The following XRN2 variants were observed in gnomAD, a reference collection of about 807,000 sequenced individuals.
XRN2 encodes the protein 5'-3' exoribonuclease 2.
In XRN2, 44 loss-of-function variants were observed where a neutral mutation model predicts 138.5. The ratio of observed to expected loss-of-function variants is 0.32; its 90% CI spans 0.25 to 0.41. The LOEUF is 0.41. Among genes scored for constraint, XRN2 ranks in the 10% least tolerant of loss-of-function variants. XRN2 has a pLI of 1.00. For synonymous variants in XRN2, 354 were observed against 369.4 expected (o/e 0.96, Z 0.48); for missense variants, 937 against 1,169.3 (o/e 0.80, Z 2.90).
intron 24 of XRN2, among the ~76,000 whole-genome samples, chr20:21,362,611 T>G (rs1393573292): frequency 2.0e-5 from 3 of 152,192 alleles, no homozygotes; most frequent in Non-Finnish European, 4.4e-5. Context: ...TTTGATCACT[T>G]TCACGTCCTC....
At chr20:21,303,772 C>G (rs2037773895) in intron 1 of XRN2, 2 of 1,165,402 alleles carry the variant, frequency 1.7e-6, no homozygotes, top group East Asian at 9.6e-5. Flanking sequence ...CCGCCCACTG[C>G]TTTGTTTCCT....
chr20:21,327,860 T>A (rs534416910), intron 3 of XRN2, among the ~76,000 whole-genome samples: 2 of 152,222 alleles, frequency 1.3e-5, no homozygotes, highest in Non-Finnish European at 2.9e-5. Flanking sequence ...CACAGTTTCT[T>A]CCCACCCCAA....
At chr20:21,377,908 C>T (rs998822279) in intron 27 of XRN2, among the ~76,000 whole-genome samples, 1 of 152,142 alleles carries the variant, frequency 6.6e-6, no homozygotes. Context: ...GTTCATTTCA[C>T]CCAGGCTGTC....
At chr20:21,317,209 A>G (rs1333283586) in intron 1 of XRN2, among the ~76,000 whole-genome samples, 1 of 152,142 alleles carries the variant, frequency 6.6e-6, no homozygotes, top group East Asian at 1.9e-4. Flanking sequence ...ACCAAGTATG[A>G]TGTTAACTGT....
At chr20:21,375,534 ATTT>A (rs1419973793) in intron 27 of XRN2, among the ~76,000 whole-genome samples, 1 of 151,116 alleles carries the variant, frequency 6.6e-6, no homozygotes, top group African/African-American at 2.4e-5. Context: ...TCTGATTTTT[ATTT>A]TTTATTATGT....
intron 1 of XRN2, chr20:21,303,922 G>C: frequency 1.1e-6 from 1 of 928,118 alleles, no homozygotes; most frequent in Non-Finnish European, 1.3e-6. Flanking sequence ...AGGAATCCCT[G>C]GCGGCGACCT....
intron 15 of XRN2, among the ~76,000 whole-genome samples, chr20:21,342,396 T>A (rs1458585562): frequency 6.6e-6 from 1 of 152,200 alleles, no homozygotes; most frequent in Non-Finnish European, 1.5e-5. Context: ...TTAATATGAA[T>A]CTGGTATGTT....
rs143004169 is a variant in XRN2 at position 21,331,268 on chromosome 20, G to A, written c.577-293G>A. Among the ~76,000 whole-genome samples the A allele has an allele frequency of 3.3e-3, 506 of 152,166 alleles. 4 individuals are homozygous for A. The highest frequency in any genetic ancestry group is 0.012 in the African/African-American group (487 of 41,532). ...AATGATCAGTTTTTCTGATGGCTAG[G>A]TCTGACCCAGACATTTCATTCCTTT... On this transcript the variant is annotated intron_variant, in intron 6 of 29. Coordinates refer to ENST00000377191, the MANE Select transcript of XRN2 (RefSeq NM_012255.5).
At position 21,353,178 on chromosome 20, in the gene XRN2, T is replaced by A. The variant is rs528042483; in HGVS notation, c.1937-1611T>A. Among the ~76,000 whole-genome samples, 4 of 145,760 alleles carry A rather than the reference T, an allele frequency of 2.7e-5. No homozygotes were observed. The East Asian group carries it at 7.8e-4, about 29-fold the overall frequency. ...TAATATATAATATAATATATGTTTA[T>A]ATATATTTTATATATATATAAATAT... On this transcript the variant is annotated intron_variant, in intron 20 of 29. Coordinates refer to ENST00000377191, the MANE Select transcript of XRN2 (RefSeq NM_012255.5).
intron 1 of XRN2, 123 bp downstream of exon 1, chr20:21,303,596 C>A: frequency 1.6e-5 from 22 of 1,386,228 alleles, no homozygotes; most frequent in Non-Finnish European, 2.0e-5. Flanking sequence ...CTGCTGCCAG[C>A]CTCGCGAGCA....
chr20:21,353,814 C>T (rs1361220959), intron 20 of XRN2, among the ~76,000 whole-genome samples: 1 of 142,592 alleles, frequency 7.0e-6, no homozygotes, highest in South Asian at 2.3e-4. Context: ...AAAAAAACAA[C>T]TGTTACTAGG....
chr20:21,385,519 A>G (rs1421000100), intron 28 of XRN2, among the ~76,000 whole-genome samples: 1 of 152,250 alleles, frequency 6.6e-6, no homozygotes, highest in African/African-American at 2.4e-5. Flanking sequence ...TTTTAATTGT[A>G]TTCTGAATTA....
chr20:21,346,317 T>C (rs1345793637), intron 16 of XRN2, 98 bp from the exon 17 acceptor site: 1 of 1,457,598 alleles, frequency 6.9e-7, no homozygotes, highest in African/African-American at 1.4e-5. Flanking sequence ...ACATTTCCCC[T>C]GGGTATTAAA....
chr20:21,359,950 G>A (rs2038618313), intron 24 of XRN2, among the ~76,000 whole-genome samples: 1 of 151,778 alleles, frequency 6.6e-6, no homozygotes. Flanking sequence ...GTTTCCTCAA[G>A]TTGAGTTTAG....
At chr20:21,362,622 A>G (rs2038650341) in intron 24 of XRN2, among the ~76,000 whole-genome samples, 1 of 152,120 alleles carries the variant, frequency 6.6e-6, no homozygotes, top group Admixed American at 6.5e-5. Flanking sequence ...TCACGTCCTC[A>G]TTGACTACTT....
intron 14 of XRN2, among the ~76,000 whole-genome samples, chr20:21,340,175 A>T (rs934015684): frequency 3.3e-5 from 5 of 152,118 alleles, no homozygotes; most frequent in African/African-American, 1.2e-4. Flanking sequence ...TGTGCCTGTA[A>T]TCCCAGCTAC....
At chr20:21,341,301 C>T (rs541755669) in intron 15 of XRN2, among the ~76,000 whole-genome samples, 1 of 152,314 alleles carries the variant, frequency 6.6e-6, no homozygotes, top group South Asian at 2.1e-4. Flanking sequence ...TTCCCCTTTC[C>T]TTCAGTGGGC....
intron 27 of XRN2, among the ~76,000 whole-genome samples, chr20:21,375,921 C>T (rs925891249): frequency 2.3e-4 from 35 of 151,870 alleles, no homozygotes; most frequent in African/African-American, 7.7e-4. Flanking sequence ...TCACTGCAAG[C>T]TCCGCCTCCC....
chr20:21,333,521 C>A, intron 9 of XRN2, 23 bp from the exon 10 acceptor site: 1 of 1,606,018 alleles, frequency 6.2e-7, no homozygotes, highest in South Asian at 1.1e-5. Context: ...AGACTTGTTT[C>A]ATCTTCATTC....
Sources: gnomAD v4.1 joint callset for allele counts (sites outside exome capture counted in the v4.1 genomes callset) on GRCh38, gnomAD v4.1.1 for gene constraint, MANE v1.5 for transcripts, NCBI Gene and HGNC (gene_info 2026-07-23, HGNC 2026-07-21) for gene names.